Variants in KIF9 observed in about 807,000 individuals in gnomAD.
KIF9 encodes the protein kinesin-like protein KIF9.
KIF9 carries 68 observed loss-of-function variants against 94.8 expected under a neutral mutation model. The observed-to-expected ratio is 0.72, with a 90% confidence interval of 0.59 to 0.88. KIF9 has a LOEUF of 0.88. Ranked by LOEUF, KIF9 falls within the 40% of genes least tolerant of loss-of-function variation. The probability of loss-of-function intolerance (pLI) is 0.00; values close to 1 mark genes in which losing one functional copy is unlikely to be tolerated. For synonymous variants in KIF9, 343 were observed against 362.1 expected, an observed-to-expected ratio of 0.95 and a Z score of 0.60; for missense variants, 882 against 982.5, an observed-to-expected ratio of 0.90 and a Z score of 1.37.
At chr3:47,274,027 A>G (rs1327810285) in intron 3 of KIF9, among the ~76,000 whole-genome samples, 1 of 152,198 alleles carries the variant, frequency 6.6e-6, no homozygotes, top group African/African-American at 2.4e-5. Flanking sequence ...GCCCTTCTCT[A>G]GCACAGCTAT....
rs183879717 is a variant in KIF9, at chr3:47,237,625, A to T, written c.1925-1006T>A. ...AAAGCTTAGCAAAGGCATCACATCA[A>T]CCGCCATCCCCAAGTGTAGGGTAAG... is the stretch of plus-strand genomic sequence containing the variant. On this transcript the variant is annotated intron_variant, in intron 17 of 20. Coordinates refer to ENST00000684063, the MANE Select transcript of KIF9 (RefSeq NM_182902.4). Among the ~76,000 whole-genome samples the T allele has an allele frequency of 5.3e-5, 8 of 152,240 alleles. No homozygotes were observed. The East Asian group carries it at 1.5e-3, about 29-fold the overall frequency.
chr3:47,264,217 G>A lies in KIF9; in HGVS notation c.981+69C>T, dbSNP rs188175452. 576 of 1,217,994 alleles carry A rather than the reference G, an allele frequency of 4.7e-4. 3 individuals carry two copies. In the African/African-American group the frequency reaches 6.7e-3, roughly 14 times the overall value. The allele number at this position is 1,217,994 out of a possible 1,614,324, so 75.4% of individuals were successfully genotyped here. On this transcript the variant is annotated intron_variant, in intron 9 of 20. Transcript: ENST00000684063. ...CCACTGTGCCAGGGTAGCCAGCCTG[G>A]AGCCTTACCCTGCCCTGGCACCCAT...
At chr3:47,254,169 G>C (rs1700432148) in intron 10 of KIF9, among the ~76,000 whole-genome samples, 1 of 152,174 alleles carries the variant, frequency 6.6e-6, no homozygotes, top group Non-Finnish European at 1.5e-5. Context: ...GAAAGTGTAG[G>C]TATTTTGGCC....
At chr3:47,240,724 T>G in intron 17 of KIF9, 77 bp downstream of exon 17, 1 of 1,249,042 alleles carries the variant, frequency 8.0e-7, no homozygotes, top group East Asian at 2.3e-5. Flanking sequence ...AGACCTCTAG[T>G]GCCAAGGGCT....
intron 9 of KIF9, 49 bp from the exon 10 acceptor site, chr3:47,257,609 AC>A (rs1700707484): frequency 3.3e-6 from 5 of 1,511,186 alleles, no homozygotes; most frequent in Non-Finnish European, 4.6e-6. Context: ...CTAAAGTGAG[AC>A]CCCAAGAGAC....
At chr3:47,274,209 T>C (rs1475953571) in intron 3 of KIF9, among the ~76,000 whole-genome samples, 1 of 152,184 alleles carries the variant, frequency 6.6e-6, no homozygotes, top group African/African-American at 2.4e-5. Context: ...CCTAGTTGGT[T>C]CCATGTCACT....
chr3:47,236,762 G>A, intron 17 of KIF9, 143 bp from the exon 18 acceptor site: 1 of 703,816 alleles, frequency 1.4e-6, no homozygotes, highest in South Asian at 1.8e-5. Context: ...GCAAGGAGAT[G>A]GGCAAAGCAC....
rs202051573 is a variant in KIF9 at position 47,236,438 on chromosome 3, C to T, written c.2101+5G>A. On this transcript the variant is annotated splice_donor_5th_base_variant and intron_variant, in intron 18 of 20. Coordinates refer to ENST00000684063, the MANE Select transcript of KIF9 (RefSeq NM_182902.4). ...GGTGGCGGCCAACCTTCCCAACTGT[C>T]GCACCCATGAGCAGGCGGTGGCGAC... The T allele has an allele frequency of 4.7e-5, 76 of 1,612,668 alleles. No individual in the cohort carries two copies. The African/African-American group carries it at 6.3e-4, about 13-fold the overall frequency.
At position 47,257,416 on chromosome 3, in the gene KIF9, G is replaced by A. The variant is rs934875798; in HGVS notation, c.1059+67C>T. 5 of 1,400,854 alleles carry A rather than the reference G, an allele frequency of 3.6e-6. No individual in the cohort carries two copies. In the Admixed American group the frequency reaches 5.1e-5, roughly 14 times the overall value. 86.8% of individuals were successfully genotyped at this position (1,400,854 alleles called of 1,614,324 possible). A position where few individuals can be genotyped will look rare whatever the true frequency, so the allele number is the denominator to read the frequency against. ...AGGCAGGAAGGGAAGGCTCGCTTGT[G>A]TGACCCAAGCAGCAAACCCATACAC... On this transcript the variant is annotated intron_variant, in intron 10 of 20. Coordinates refer to ENST00000684063, the MANE Select transcript of KIF9 (RefSeq NM_182902.4).
At position 47,241,338 on chromosome 3, in the gene KIF9, C is replaced by T. The variant is rs1349387188; in HGVS notation, c.1710-323G>A. Among the ~76,000 whole-genome samples, 117 of 147,308 alleles carry T rather than the reference C, an allele frequency of 7.9e-4. 3 individuals are homozygous for T. The highest frequency in any genetic ancestry group is 5.4e-4 in the Admixed American group (8 of 14,788). On this transcript the variant is annotated intron_variant, in intron 16 of 20. Transcript: ENST00000684063. ...TATTTCTTTCTTTTTTTTTTTTTCT[C>T]GAGACAGAGTTTTGCTCTTGTCACC...
intron 17 of KIF9, among the ~76,000 whole-genome samples, chr3:47,237,367 T>G (rs2107098343): frequency 6.6e-6 from 1 of 152,364 alleles, no homozygotes; most frequent in South Asian, 2.1e-4. Flanking sequence ...GTGGTGGGAT[T>G]ACAGGCGTGA....
intron 10 of KIF9, among the ~76,000 whole-genome samples, chr3:47,254,620 C>CA (rs1559444687): frequency 1.3e-5 from 2 of 151,866 alleles, no homozygotes; most frequent in African/African-American, 4.8e-5. Context: ...CACACACACA[C>CA]AAAAAAGTGT....
intron 4 of KIF9, among the ~76,000 whole-genome samples, chr3:47,272,032 A>G (rs1422578825): frequency 6.6e-6 from 1 of 152,152 alleles, no homozygotes; most frequent in Non-Finnish European, 1.5e-5. Flanking sequence ...AGGCAGGAGA[A>G]TCTCTTGAAC....
intron 15 of KIF9, 91 bp from the exon 16 acceptor site, chr3:47,243,336 C>A (rs1330953969): frequency 4.7e-6 from 5 of 1,055,714 alleles, no homozygotes; most frequent in Non-Finnish European, 6.7e-6. Context: ...ACTGACTACA[C>A]TGGGAACCCC....
intron 4 of KIF9, among the ~76,000 whole-genome samples, chr3:47,271,988 C>G (rs746739568): frequency 6.6e-6 from 1 of 152,062 alleles, no homozygotes; most frequent in Admixed American, 6.6e-5. Context: ...GGCGTGGTGG[C>G]GTGCGCCTGT....
intron 16 of KIF9, 129 bp downstream of exon 16, chr3:47,242,922 G>A: frequency 1.4e-6 from 1 of 720,860 alleles, no homozygotes. Context: ...CTTCTTTGGG[G>A]ACTGTGCTCC....
At chr3:47,235,479 C>T (rs762064014) in intron 20 of KIF9, 34 bp downstream of exon 20, 5 of 1,450,104 alleles carry the variant, frequency 3.4e-6, no homozygotes, top group Admixed American at 1.7e-5. Context: ...CACTGAGGCC[C>T]CCATCCTCCT....
chr3:47,248,345 G>C (rs1354687738), intron 10 of KIF9: 6 of 465,036 alleles, frequency 1.3e-5, no homozygotes, highest in Non-Finnish European at 2.3e-5. Flanking sequence ...GACAGCACAA[G>C]CCACACAGCC....
chr3:47,276,627 T>C (rs908030325), intron 2 of KIF9, among the ~76,000 whole-genome samples: 3 of 152,126 alleles, frequency 2.0e-5, no homozygotes, highest in African/African-American at 7.2e-5. Context: ...GCTCTGTGCT[T>C]CTGTGTTCGC....
Sources: gnomAD v4.1 joint callset for allele counts (sites outside exome capture counted in the v4.1 genomes callset) on GRCh38, gnomAD v4.1.1 for gene constraint, MANE v1.5 for transcripts, NCBI Gene and HGNC (gene_info 2026-07-23, HGNC 2026-07-21) for gene names.